Variants in URB2 observed in about 807,000 individuals in gnomAD.
URB2 encodes the protein URB2 ribosome biogenesis homolog.
Under a neutral mutation model 120.9 loss-of-function variants are expected in URB2, and 86 were observed. That is an observed-to-expected ratio of 0.71 (90% confidence interval 0.60 to 0.85). The LOEUF (loss-of-function observed/expected upper bound fraction) is 0.85. Among genes scored for constraint, URB2 ranks in the 40% least tolerant of loss-of-function variants. URB2 has a pLI of 0.00. For synonymous variants in URB2, 755 were observed against 758.4 expected (o/e 1.00, Z 0.07); for missense variants, 1,765 against 1,836.5 (o/e 0.96, Z 0.71).
In URB2 at chr1:229,636,439, T is replaced by C. The variant is rs777782385; in HGVS notation, c.1826T>C (p.Leu609Pro). The C allele has an allele frequency of 1.2e-6, 2 of 1,614,220 alleles. No individual in the cohort carries two copies. The highest frequency in any genetic ancestry group is 8.5e-7 in the Non-Finnish European group (1 of 1,180,030). Residue 609 changes from leucine to proline, a missense_variant, in exon 4 of 10, where the codon CTC becomes CCC. Leu to Pro is a moderately conservative substitution (Grantham distance 98). Coordinates refer to ENST00000258243, the MANE Select transcript of URB2 (RefSeq NM_014777.4). ...AAGGTCAGTGACTCTGTGCTCCTGC[T>C]CTCTTACACTTGGGCCCAGGTGGAC... is the stretch of plus-strand genomic sequence containing the variant. Reference protein sequence around the residue: ...LQKVSDSVLLLSYTWAQVDAM... With the variant: ...LQKVSDSVLLPSYTWAQVDAM...
intron 8 of URB2, among the ~76,000 whole-genome samples, 153 bp from the exon 9 acceptor site, chr1:229,654,096 C>G (rs1666346790): frequency 6.6e-6 from 1 of 151,780 alleles, no homozygotes; most frequent in Non-Finnish European, 1.5e-5. Flanking sequence ...TATCTGTTCT[C>G]CCTTATTCTG....
intron 3 of URB2, among the ~76,000 whole-genome samples, chr1:229,633,395 G>A (rs1184433646): frequency 6.6e-6 from 1 of 152,198 alleles, no homozygotes; most frequent in Non-Finnish European, 1.5e-5. Context: ...TTATTTTTAT[G>A]TATGCTTCAT....
chr1:229,647,705 C>A lies in URB2; in HGVS notation c.4102C>A (p.Pro1368Thr). The A allele has an allele frequency of 6.2e-7, 1 of 1,614,124 alleles. No homozygotes were observed. The change falls in exon 7 of 10, where the codon CCG becomes ACG. Residue 1368 changes from proline to threonine, a missense_variant. By Grantham distance (38) the Pro-to-Thr change is conservative. Transcript: ENST00000258243. ...LKPLEYGSVF[P>T]RLHNVLFSIL... ...GCCGCTGGAGTATGGAAGCGTCTTC[C>A]CGAGGCTGCACAACGTGCTCTTCTC...
chr1:229,649,553 G>C (rs1258856116), intron 7 of URB2, among the ~76,000 whole-genome samples: 1 of 152,160 alleles, frequency 6.6e-6, no homozygotes, highest in Non-Finnish European at 1.5e-5. Flanking sequence ...TAATGACATG[G>C]TATTACAGTA....
intron 7 of URB2, among the ~76,000 whole-genome samples, chr1:229,648,538 G>GA (rs927285001): frequency 8.6e-5 from 13 of 152,044 alleles, no homozygotes; most frequent in Non-Finnish European, 1.0e-4. Context: ...ATGTCCCACA[G>GA]AAAAAATTAC....
At chr1:229,638,364 G>T (rs552175639) in intron 4 of URB2, 117 bp downstream of exon 4, 1 of 1,221,922 alleles carries the variant, frequency 8.2e-7, no homozygotes, top group African/African-American at 1.5e-5. Context: ...CCACATGTGC[G>T]GCTGGGTGCG....
chr1:229,630,804 A>G (rs899836882), intron 2 of URB2, among the ~76,000 whole-genome samples: 1 of 152,018 alleles, frequency 6.6e-6, no homozygotes, highest in Non-Finnish European at 1.5e-5. Context: ...TCTAGCCAAC[A>G]TGGCGAAACC....
At chr1:229,658,815 T>G (rs1666459285) in intron 9 of URB2, among the ~76,000 whole-genome samples, 1 of 152,222 alleles carries the variant, frequency 6.6e-6, no homozygotes, top group Admixed American at 6.5e-5. Flanking sequence ...TAAGCATCAT[T>G]TACTGAACAG....
chr1:229,632,548 T>G, intron 3 of URB2, 103 bp downstream of exon 3: 1 of 1,048,514 alleles, frequency 9.5e-7, no homozygotes, highest in South Asian at 2.4e-5. Context: ...ATATAGGAAA[T>G]ACTAAGGTAG....
intron 9 of URB2, among the ~76,000 whole-genome samples, chr1:229,657,518 T>C (rs1454456832): frequency 6.6e-6 from 1 of 152,188 alleles, no homozygotes; most frequent in Non-Finnish European, 1.5e-5. Flanking sequence ...ATTTATTTAG[T>C]AAGTGATAAT....
rs940996672 is a variant in URB2, at chr1:229,659,041, G to C, written c.4378-59G>C. On this transcript the variant is annotated intron_variant, in intron 9 of 9. Coordinates refer to ENST00000258243, the MANE Select transcript of URB2 (RefSeq NM_014777.4). ...GTGCTTCCCAAGGCATTGTTGGCAGGTGGTGCGGCTTGATCTCTGCCCCCA... is the reference window on the plus strand; with the variant it reads ...GTGCTTCCCAAGGCATTGTTGGCAGCTGGTGCGGCTTGATCTCTGCCCCCA... The C allele has an allele frequency of 9.1e-6, 14 of 1,545,756 alleles. No individual in the cohort carries two copies. The African/African-American group carries it at 1.9e-4, about 21-fold the overall frequency.
chr1:229,657,240 C>G (rs965253407), intron 9 of URB2, among the ~76,000 whole-genome samples: 1 of 152,158 alleles, frequency 6.6e-6, no homozygotes, highest in Non-Finnish European at 1.5e-5. Context: ...GAAATTGACT[C>G]TTTTCTTGTT....
chr1:229,635,204 G>A lies in URB2; in HGVS notation c.591G>A (p.Val197=), dbSNP rs371582099. The part of the protein sequence containing the change: ...QVNPRRAFGD[V]TAHLLQPCLV... The stretch of plus-strand genomic sequence containing the variant: ...ACCCAAGACGTGCCTTTGGGGATGT[G>A]ACTGCTCACCTGCTCCAGCCGTGCC... The change falls in exon 4 of 10, where the codon GTG becomes GTA. Residue 197 remains valine (V), a synonymous_variant. Coordinates refer to ENST00000258243, the MANE Select transcript of URB2 (RefSeq NM_014777.4). 6.2e-7 allele frequency: 1 copy of A among 1,614,122 alleles called. No homozygotes were observed. The highest frequency in any genetic ancestry group is 1.3e-5 in the African/African-American group (1 of 74,950).
rs1666470610 is a variant in URB2, at chr1:229,659,313, G to A, written c.*16G>A. The A allele has an allele frequency of 2.5e-6, 4 of 1,612,524 alleles. No homozygotes were observed. The highest frequency in any genetic ancestry group is 2.2e-5 in the East Asian group (1 of 44,852). On this transcript the variant is annotated 3_prime_UTR_variant, in exon 10 of 10. Transcript: ENST00000258243. Reference sequence around the variant, plus strand: ...TACGGCCTAAGGCTATGGGACAGAAGTGCCGCCAGTGACACTGTCCAGAGG... The same window carrying A: ...TACGGCCTAAGGCTATGGGACAGAAATGCCGCCAGTGACACTGTCCAGAGG...
chr1:229,633,323 C>T (rs542768562), intron 3 of URB2, among the ~76,000 whole-genome samples: 41 of 152,264 alleles, frequency 2.7e-4, no homozygotes, highest in African/African-American at 9.6e-4. Flanking sequence ...TTCAAAGGAT[C>T]TTTTGGAATA....
intron 4 of URB2, among the ~76,000 whole-genome samples, chr1:229,639,539 T>C (rs1288000011): frequency 6.6e-6 from 1 of 152,114 alleles, no homozygotes. Context: ...GGTTTCACCA[T>C]GTTAGCCAGG....
chr1:229,644,040 G>A (rs1666080544), intron 5 of URB2, among the ~76,000 whole-genome samples: 1 of 152,234 alleles, frequency 6.6e-6, no homozygotes, highest in African/African-American at 2.4e-5. Flanking sequence ...TGAAACATGT[G>A]GCCTGATTGG....
rs374836506 is a variant in URB2 at position 229,636,238 on chromosome 1, T to C, written c.1625T>C (p.Leu542Pro). The change falls in exon 4 of 10, where the codon CTG (leucine) becomes CCG (proline). Residue 542 changes from leucine to proline, a missense_variant. Transcript: ENST00000258243. ...GACATGGCCCTGAAATCACTGTCACTGAGCTTGCTGCTGCACTGCATCATG... is the reference window on the plus strand; with the variant it reads ...GACATGGCCCTGAAATCACTGTCACCGAGCTTGCTGCTGCACTGCATCATG... ...DADMALKSLSLSLLLHCIMFN... is the reference protein window; with the variant it reads ...DADMALKSLSPSLLLHCIMFN... 1.2e-6 allele frequency: 2 copies of C among 1,613,504 alleles called. No homozygotes were observed. Among genetic ancestry groups the C allele is most frequent in the Non-Finnish European group, 1.7e-6 (2 of 1,179,448 alleles).
intron 4 of URB2, among the ~76,000 whole-genome samples, chr1:229,640,633 G>T (rs1004833333): frequency 1.3e-5 from 2 of 152,148 alleles, no homozygotes; most frequent in African/African-American, 4.8e-5. Flanking sequence ...CGGTACGTGA[G>T]GGTTAAATGG....
Sources: allele counts gnomAD v4.1 joint callset (sites outside exome capture counted in the v4.1 genomes callset), GRCh38; gene constraint gnomAD v4.1.1; transcripts MANE v1.5; gene names NCBI Gene and HGNC (gene_info 2026-07-23, HGNC 2026-07-21).